CCDC73: variants seen among roughly 807,000 people sequenced by gnomAD.
CCDC73 encodes coiled-coil domain containing 73.
In CCDC73, 95 loss-of-function variants were observed where a neutral mutation model predicts 116.5. That is an observed-to-expected ratio of 0.82 (90% confidence interval 0.69 to 0.97). The LOEUF is 0.97. Ranked by LOEUF, CCDC73 falls within the 50% of genes least tolerant of loss-of-function variation. The pLI, the probability that CCDC73 is intolerant of heterozygous loss-of-function variation, is 0.00. For synonymous variants in CCDC73, 398 were observed against 401.3 expected, an observed-to-expected ratio of 0.99 and a Z score of 0.10; for missense variants, 1,066 against 1,206.8, an observed-to-expected ratio of 0.88 and a Z score of 1.73.
chr11:32,810,793 A>G, the CCDC73 span, among the ~76,000 whole-genome samples: 2 of 152,004 alleles, frequency 1.3e-5, no homozygotes, highest in African/African-American at 4.8e-5. Flanking sequence ...CACAACCCCA[A>G]TTCCCTGTTA....
intron 14 of CCDC73, among the ~76,000 whole-genome samples, chr11:32,627,741 G>A (rs2133234608): frequency 6.6e-6 from 1 of 152,242 alleles, no homozygotes; most frequent in East Asian, 1.9e-4. Flanking sequence ...AACACCGCAT[G>A]TTCTCACTCA....
At chr11:32,751,967 T>C (rs946235835) in intron 2 of CCDC73, among the ~76,000 whole-genome samples, 3 of 152,242 alleles carry the variant, frequency 2.0e-5, no homozygotes, top group African/African-American at 7.2e-5. Context: ...GATAAGGTCA[T>C]TCATGCAGAA....
chr11:32,783,386 ATTTC>A lies in CCDC73; in HGVS notation c.-16+11223_-16+11226del, dbSNP rs778377724. On this transcript the variant is annotated intron_variant, in intron 1 of 17. Transcript: ENST00000335185. ...CCCTTTCTCAGGAAGCTCCTTAAGG[ATTTC>A]TTTAAGGAAGAGAAAGGCATGGGAT... Among the ~76,000 whole-genome samples, 206 of 152,280 alleles carry A rather than the reference ATTTC, an allele frequency of 1.4e-3. 13 individuals are homozygous for A. Among genetic ancestry groups the A allele is most frequent in the Middle Eastern group, 3.4e-3 (1 of 294 alleles).
intron 17 of CCDC73, among the ~76,000 whole-genome samples, chr11:32,608,871 G>T (rs943662733): frequency 5.3e-5 from 8 of 152,266 alleles, no homozygotes; most frequent in African/African-American, 1.9e-4. Flanking sequence ...CCAAGGCTTG[G>T]GGCTTGTACC....
intron 1 of CCDC73, among the ~76,000 whole-genome samples, chr11:32,783,430 A>T (rs1471918451): frequency 2.0e-5 from 3 of 152,184 alleles, no homozygotes; most frequent in African/African-American, 7.2e-5. Context: ...GAAACAGCGG[A>T]TCCTTGTCTT....
intron 12 of CCDC73, among the ~76,000 whole-genome samples, chr11:32,642,885 A>G (rs531236351): frequency 2.4e-4 from 36 of 152,008 alleles, no homozygotes; most frequent in African/African-American, 7.9e-4. Flanking sequence ...TAAAAAAAGT[A>G]AAGTTATTCT....
chr11:32,653,324 G>A, intron 11 of CCDC73, 97 bp from the exon 12 acceptor site: 1 of 680,424 alleles, frequency 1.5e-6, no homozygotes, highest in Non-Finnish European at 2.4e-6. Context: ...CTAACTCACT[G>A]TATTTATAGT....
intron 1 of CCDC73, among the ~76,000 whole-genome samples, chr11:32,762,197 A>G (rs10767964): frequency 0.67 from 101,689 of 151,902 alleles, 34,142 homozygotes; most frequent in East Asian, 0.84. Context: ...AAATGATGAG[A>G]TATGTTATTT....
chr11:32,665,487 C>CT (rs1157653255), intron 9 of CCDC73, among the ~76,000 whole-genome samples: 3 of 152,168 alleles, frequency 2.0e-5, no homozygotes, highest in African/African-American at 7.2e-5. Flanking sequence ...CAACCCCTGT[C>CT]TTTTTTTGTT....
upstream of CCDC73, among the ~76,000 whole-genome samples, chr11:32,794,891 G>T (rs1209598200): frequency 6.7e-6 from 1 of 150,270 alleles, no homozygotes; most frequent in Non-Finnish European, 1.5e-5. Context: ...TTGAGACGGA[G>T]TCTCGCTCTG....
intron 1 of CCDC73, 38 bp from the exon 2 acceptor site, chr11:32,760,296 C>T: frequency 8.3e-7 from 1 of 1,206,830 alleles, no homozygotes; most frequent in Non-Finnish European, 1.2e-6. Context: ...AAAAAATTAT[C>T]TAGGTTTTTC....
chr11:32,642,055 T>G lies in CCDC73; in HGVS notation c.967A>C (p.Arg323=). 1.9e-6 allele frequency: 3 copies of G among 1,571,444 alleles called. No homozygotes were observed. The highest frequency in any genetic ancestry group is 2.6e-6 in the Non-Finnish European group (3 of 1,158,414). The change falls in exon 13 of 18, where the codon AGG becomes CGG. Residue 323 remains arginine (R), a synonymous_variant. Transcript: ENST00000335185. Reference sequence around the variant, plus strand: ...TCTTCATTTTCTTTTACCTTCTCCCTTTGCAGCTCATTATCTCTTTCAAGG... The same window carrying G: ...TCTTCATTTTCTTTTACCTTCTCCCGTTGCAGCTCATTATCTCTTTCAAGG... ...QTLERDNELQ[R]EKVKENEEKF...
chr11:32,791,381 G>C (rs1470100921), intron 1 of CCDC73, among the ~76,000 whole-genome samples: 2 of 152,234 alleles, frequency 1.3e-5, no homozygotes, highest in African/African-American at 4.8e-5. Context: ...AGGTTCCACA[G>C]TCAAATAAAT....
chr11:32,678,144 C>T (rs1258761360), intron 7 of CCDC73, among the ~76,000 whole-genome samples: 2 of 151,326 alleles, frequency 1.3e-5, no homozygotes, highest in African/African-American at 4.9e-5. Flanking sequence ...CCAGATGTGG[C>T]AGCGGGCACC....
intron 9 of CCDC73, among the ~76,000 whole-genome samples, chr11:32,661,967 G>C (rs1855933020): frequency 6.6e-6 from 1 of 151,314 alleles, no homozygotes; most frequent in East Asian, 1.9e-4. Flanking sequence ...AGTTTGCTGA[G>C]AATGATGGTT....
intron 6 of CCDC73, 102 bp downstream of exon 6, chr11:32,699,149 C>T (rs1222339329): frequency 1.6e-6 from 2 of 1,263,774 alleles, no homozygotes; most frequent in South Asian, 1.9e-5. Flanking sequence ...TAGATATAAA[C>T]TTTTGTCAGC....
At chr11:32,814,742 C>T in the CCDC73 span, among the ~76,000 whole-genome samples, 1 of 152,140 alleles carries the variant, frequency 6.6e-6, no homozygotes, top group Non-Finnish European at 1.5e-5. Flanking sequence ...TTCATAATGA[C>T]ATTATTCATA....
At chr11:32,658,716 A>G (rs1208483835) in intron 9 of CCDC73, among the ~76,000 whole-genome samples, 1 of 152,180 alleles carries the variant, frequency 6.6e-6, no homozygotes, top group African/African-American at 2.4e-5. Flanking sequence ...ATATTAATCC[A>G]GGCATGAGAT....
chr11:32,706,565 A>G (rs1433455383), intron 3 of CCDC73, among the ~76,000 whole-genome samples: 1 of 152,180 alleles, frequency 6.6e-6, no homozygotes, highest in Non-Finnish European at 1.5e-5. Flanking sequence ...TAGCTAAGAA[A>G]ATAAAGGAAA....
Sources: allele counts gnomAD v4.1 joint callset (sites outside exome capture counted in the v4.1 genomes callset), GRCh38; gene constraint gnomAD v4.1.1; transcripts MANE v1.5; gene names NCBI Gene and HGNC (gene_info 2026-07-23, HGNC 2026-07-21).